Variants in SRP54 observed in about 807,000 individuals in gnomAD.
SRP54 encodes the protein signal recognition particle subunit SRP54.
In SRP54, 10 loss-of-function variants were observed where a neutral mutation model predicts 64.8. The ratio of observed to expected loss-of-function variants is 0.15; its 90% CI spans 0.10 to 0.26. The LOEUF is 0.26. SRP54 is among the 10% of genes least tolerant of loss of function. The pLI is 1.00. For synonymous variants in SRP54, 193 were observed against 185.6 expected (o/e 1.04, Z -0.32); for missense variants, 325 against 613.7 (o/e 0.53, Z 4.97).
chr14:34,998,053 G>A (rs1192961256), intron 2 of SRP54, among the ~76,000 whole-genome samples: 1 of 151,984 alleles, frequency 6.6e-6, no homozygotes, highest in East Asian at 1.9e-4. Flanking sequence ...TAATTAACAA[G>A]GAGAAAGCCC....
chr14:34,991,106 TTTC>T (rs2043968072), intron 1 of SRP54, among the ~76,000 whole-genome samples: 2 of 122,128 alleles, frequency 1.6e-5, no homozygotes, highest in African/African-American at 5.6e-5. Context: ...TTAAATTTCT[TTTC>T]TTTTTTTTTT....
intron 8 of SRP54, among the ~76,000 whole-genome samples, chr14:35,011,921 T>TA (rs2044362546): frequency 6.6e-6 from 1 of 152,154 alleles, no homozygotes; most frequent in South Asian, 2.1e-4. Flanking sequence ...AGAAAACATT[T>TA]AAAAATTAGT....
At chr14:34,992,890 A>G (rs1166988173) in intron 1 of SRP54, among the ~76,000 whole-genome samples, 1 of 151,838 alleles carries the variant, frequency 6.6e-6, no homozygotes, top group East Asian at 1.9e-4. Flanking sequence ...TTATTTGGAG[A>G]TGGAGTCTCA....
intron 13 of SRP54, among the ~76,000 whole-genome samples, chr14:35,019,609 T>C (rs570606692): frequency 1.2e-4 from 18 of 152,324 alleles, no homozygotes; most frequent in Admixed American, 8.5e-4. Context: ...GCTTAAGCAA[T>C]GCTTAGAAAA....
rs748067342 is a variant in SRP54 at position 35,008,620 on chromosome 14, C to T, written c.361-7C>T. 2 of 1,534,638 alleles carry T rather than the reference C, an allele frequency of 1.3e-6. No individual in the cohort carries two copies. The highest frequency in any genetic ancestry group is 1.3e-5 in the South Asian group (1 of 74,876). On this transcript the variant is annotated splice_region_variant and splice_polypyrimidine_tract_variant and intron_variant, in intron 5 of 15. Transcript: ENST00000216774. ...GATATTATATTTTTAAATCTTTTCT[C>T]ACCCAGCTAGCATATTATTACCAGA...
Position 35,007,405 on chromosome 14 carries a change from T to A in SRP54, c.360+18T>A. On this transcript the variant is annotated intron_variant, in intron 5 of 15. Coordinates refer to ENST00000216774, the MANE Select transcript of SRP54 (RefSeq NM_003136.4). ...GTTCAAAGGTAAATTGAACTTAATT[T>A]AAAAAGAAGTCATATGGAAGATAGG... 6.6e-7 allele frequency: 1 copy of A among 1,510,392 alleles called. No individual in the cohort carries two copies. Among genetic ancestry groups the A allele is most frequent in the Non-Finnish European group, 9.0e-7 (1 of 1,109,082 alleles). 93.6% of individuals were successfully genotyped at this position (1,510,392 alleles called of 1,614,324 possible). A position where few individuals can be genotyped will look rare whatever the true frequency, so the allele number is the denominator to read the frequency against.
At chr14:35,014,040 TAG>T in intron 10 of SRP54, 138 bp downstream of exon 10, 3 of 636,170 alleles carry the variant, frequency 4.7e-6, no homozygotes, top group Non-Finnish European at 8.0e-6. Flanking sequence ...ACCTGTAAAA[TAG>T]AGATAATGGT....
rs907103406 is a variant in SRP54, at chr14:34,999,501, A to G, written c.79-57A>G. ...ATGTAAGTGATCAACAATTGTTTTT[A>G]TGGAACTGAAATGAAACATTGGGTG... On this transcript the variant is annotated intron_variant, in intron 2 of 15. Coordinates refer to ENST00000216774, the MANE Select transcript of SRP54 (RefSeq NM_003136.4). The G allele has an allele frequency of 1.4e-5, 19 of 1,322,004 alleles. No individual in the cohort carries two copies. The Admixed American group carries it at 2.3e-4, about 16-fold the overall frequency. 81.9% of individuals were successfully genotyped at this position (1,322,004 alleles called of 1,614,324 possible).
chr14:34,989,248 A>G (rs1218269216), intron 1 of SRP54, among the ~76,000 whole-genome samples: 1 of 152,148 alleles, frequency 6.6e-6, no homozygotes, highest in Non-Finnish European at 1.5e-5. Context: ...ATGCCTGTCT[A>G]TAATCCGAGC....
At chr14:34,986,947 A>G (rs1465690863) in intron 1 of SRP54, among the ~76,000 whole-genome samples, 1 of 151,956 alleles carries the variant, frequency 6.6e-6, no homozygotes, top group Non-Finnish European at 1.5e-5. Flanking sequence ...ATTAAAATAT[A>G]ATTCTTGGCT....
intron 2 of SRP54, among the ~76,000 whole-genome samples, chr14:34,997,217 A>G (rs998514941): frequency 1.1e-4 from 17 of 151,816 alleles, no homozygotes; most frequent in Admixed American, 9.8e-4. Flanking sequence ...TAGCATTTCC[A>G]TCTTGTCTGT....
chr14:35,006,846 G>A (rs1434142482), intron 4 of SRP54, among the ~76,000 whole-genome samples: 1 of 152,082 alleles, frequency 6.6e-6, no homozygotes, highest in African/African-American at 2.4e-5. Flanking sequence ...GGGAATAATT[G>A]TATTATAATA....
At chr14:35,013,263 T>A in intron 8 of SRP54, 83 bp from the exon 9 acceptor site, 1 of 1,351,778 alleles carries the variant, frequency 7.4e-7, no homozygotes, top group South Asian at 1.2e-5. Context: ...CTCTAAATAT[T>A]GTTTTATAGC....
At chr14:34,985,024 G>A (rs1410863924) in intron 1 of SRP54, among the ~76,000 whole-genome samples, 1 of 151,420 alleles carries the variant, frequency 6.6e-6, no homozygotes, top group Non-Finnish European at 1.5e-5. Context: ...ATACAAGTAG[G>A]TTAAATTTTT....
At chr14:34,991,476 A>G (rs1314686895) in intron 1 of SRP54, among the ~76,000 whole-genome samples, 1 of 150,902 alleles carries the variant, frequency 6.6e-6, no homozygotes, top group Non-Finnish European at 1.5e-5. Flanking sequence ...AATAATATAA[A>G]TAAGCCATAT....
intron 1 of SRP54, among the ~76,000 whole-genome samples, chr14:34,988,010 C>T (rs939319793): frequency 1.3e-5 from 2 of 152,040 alleles, no homozygotes; most frequent in Non-Finnish European, 2.9e-5. Context: ...ATTAATATAC[C>T]TAGAAAATAC....
In SRP54 at chr14:35,013,503, C is replaced by T. The variant is rs1436634637; in HGVS notation, c.785+9C>T. ...GGTGGTGCACTCAGTGCGTAAGTATCATTGATACTGTTGTCCTCTGTCTTG... is the reference window on the plus strand; with the variant it reads ...GGTGGTGCACTCAGTGCGTAAGTATTATTGATACTGTTGTCCTCTGTCTTG... On this transcript the variant is annotated intron_variant, in intron 9 of 15. Coordinates refer to ENST00000216774, the MANE Select transcript of SRP54 (RefSeq NM_003136.4). 3 of 1,612,960 alleles carry T rather than the reference C, an allele frequency of 1.9e-6. No individual in the cohort carries two copies. Among genetic ancestry groups the T allele is most frequent in the Admixed American group, 1.7e-5 (1 of 59,604 alleles).
At chr14:35,002,877 C>T (rs1398566181) in intron 4 of SRP54, among the ~76,000 whole-genome samples, 2 of 151,354 alleles carry the variant, frequency 1.3e-5, no homozygotes, top group Admixed American at 1.3e-4. Flanking sequence ...CCCCAAGTAG[C>T]TGGGGCTACA....
chr14:35,016,730 T>C (rs554341325), intron 11 of SRP54, among the ~76,000 whole-genome samples: 2 of 152,292 alleles, frequency 1.3e-5, no homozygotes, highest in Non-Finnish European at 2.9e-5. Context: ...GGGTTACTCA[T>C]TTTTTATGTT....
Sources: allele counts gnomAD v4.1 joint callset (sites outside exome capture counted in the v4.1 genomes callset), GRCh38; gene constraint gnomAD v4.1.1; transcripts MANE v1.5; gene names NCBI Gene and HGNC (gene_info 2026-07-23, HGNC 2026-07-21).